AXDND1: variants seen among roughly 807,000 people sequenced by gnomAD.
AXDND1 encodes axonemal dynein light chain domain-containing protein 1.
A neutral mutation model predicts 137.5 loss-of-function variants in AXDND1; 110 were observed. The observed-to-expected ratio is 0.80, with a 90% CI of 0.69 to 0.94. AXDND1 has a LOEUF of 0.94. Among genes scored for constraint, AXDND1 ranks in the 40% least tolerant of loss-of-function variants. AXDND1 has a pLI of 0.00. For synonymous variants in AXDND1, 414 were observed against 399.7 expected, an observed-to-expected ratio of 1.04 and a Z score of -0.43; for missense variants, 1,191 against 1,169.8, an observed-to-expected ratio of 1.02 and a Z score of -0.26.
intron 21 of AXDND1, among the ~76,000 whole-genome samples, chr1:179,509,759 C>T (rs4111172): frequency 0.032 from 4,914 of 152,014 alleles, 292 homozygotes; most frequent in African/African-American, 0.11. Context: ...TTTCTTCCTT[C>T]GAGCACTTAA....
chr1:179,536,176 C>T (rs866163183), intron 25 of AXDND1, among the ~76,000 whole-genome samples: 31 of 150,912 alleles, frequency 2.1e-4, no homozygotes, highest in African/African-American at 7.0e-4. Context: ...GTTTAGTCTG[C>T]TGATAGTTTC....
chr1:179,518,598 G>A (rs961085581), intron 21 of AXDND1, among the ~76,000 whole-genome samples: 3 of 151,822 alleles, frequency 2.0e-5, no homozygotes, highest in Admixed American at 6.6e-5. Flanking sequence ...GTGTCCATGT[G>A]GTCTCATCAT....
intron 16 of AXDND1, among the ~76,000 whole-genome samples, chr1:179,462,258 G>A (rs1163937429): frequency 6.6e-6 from 1 of 152,118 alleles, no homozygotes; most frequent in African/African-American, 2.4e-5. Flanking sequence ...AACATGAAGG[G>A]CTGCTGAATT....
chr1:179,434,856 A>T (rs1657916758), intron 15 of AXDND1, among the ~76,000 whole-genome samples: 1 of 152,204 alleles, frequency 6.6e-6, no homozygotes, highest in South Asian at 2.1e-4. Flanking sequence ...ATCAGGCAAG[A>T]TAAAGAAATA....
intron 12 of AXDND1, among the ~76,000 whole-genome samples, chr1:179,422,126 T>C (rs938195258): frequency 6.6e-5 from 10 of 152,156 alleles, no homozygotes; most frequent in Non-Finnish European, 1.0e-4. Context: ...TTTCTGCTGT[T>C]ATCTGTATTA....
rs142704033 is a variant in AXDND1 at position 179,477,736 on chromosome 1, A to T, written c.1998-5392A>T. Among the ~76,000 whole-genome samples the T allele has an allele frequency of 1.1e-3, 162 of 152,290 alleles. 1 individual carries two copies. Among genetic ancestry groups the T allele is most frequent in the Middle Eastern group, 3.4e-3 (1 of 294 alleles). On this transcript the variant is annotated intron_variant, in intron 17 of 25. Transcript: ENST00000367618. The stretch of plus-strand genomic sequence containing the variant: ...CATTTCAAAACCAATCATGCCTTCC[A>T]AACAGTCCCCAGAAGTCTTAACTCA...
intron 15 of AXDND1, among the ~76,000 whole-genome samples, chr1:179,441,314 C>G (rs1228645246): frequency 6.6e-6 from 1 of 152,140 alleles, no homozygotes; most frequent in East Asian, 1.9e-4. Context: ...TTTAAAATGT[C>G]CAGTTTTTCC....
At chr1:179,506,150 T>C (rs895550228) in intron 20 of AXDND1, among the ~76,000 whole-genome samples, 2 of 152,112 alleles carry the variant, frequency 1.3e-5, no homozygotes, top group Non-Finnish European at 2.9e-5. Flanking sequence ...TAGATGGATT[T>C]TTTTTTTCAA....
At chr1:179,528,897 C>A (rs1032065591) in intron 23 of AXDND1, among the ~76,000 whole-genome samples, 6 of 152,060 alleles carry the variant, frequency 3.9e-5, no homozygotes, top group African/African-American at 1.4e-4. Context: ...CGGCCTAAAC[C>A]CCATTTTAAC....
At chr1:179,418,295 T>C (rs917254052) in intron 12 of AXDND1, among the ~76,000 whole-genome samples, 5 of 152,184 alleles carry the variant, frequency 3.3e-5, no homozygotes, top group African/African-American at 4.8e-5. Context: ...TCAGAGAGCA[T>C]AGGGCTGGGG....
rs1233722023 is a variant in AXDND1 at position 179,432,299 on chromosome 1, A to C, written c.1520A>C (p.Asn507Thr). ...GACATTTTATCCCCTAATAAGGGAA[A>C]TATATTTAATTCAGTTCTTTTAGAC... ...EKDILSPNKG[N>T]IFNSVLLDFK... The change falls in exon 15 of 26, where the codon AAT becomes ACT. Residue 507 changes from asparagine to threonine, a missense_variant. By Grantham distance (65) the Asn-to-Thr change is moderately conservative. Transcript: ENST00000367618. 6.4e-7 allele frequency: 1 copy of C among 1,571,354 alleles called. No individual in the cohort carries two copies. Among genetic ancestry groups the C allele is most frequent in the Admixed American group, 1.8e-5 (1 of 55,160 alleles).
intron 18 of AXDND1, among the ~76,000 whole-genome samples, chr1:179,489,715 T>G (rs1666618675): frequency 6.6e-6 from 1 of 151,220 alleles, no homozygotes; most frequent in African/African-American, 2.4e-5. Context: ...GAAGTTTGGG[T>G]TTTTATTGGA....
At chr1:179,453,055 G>GT (rs1660772603) in intron 16 of AXDND1, 2 of 152,392 alleles carry the variant, frequency 1.3e-5, no homozygotes, top group Admixed American at 1.3e-4. Context: ...CAGCTTCCAT[G>GT]TGGTATTGAA....
At chr1:179,427,274 C>T (rs1413853909) in intron 12 of AXDND1, among the ~76,000 whole-genome samples, 1 of 152,028 alleles carries the variant, frequency 6.6e-6, no homozygotes, top group Non-Finnish European at 1.5e-5. Context: ...TAAGACATTA[C>T]CTTTGGTTAG....
At chr1:179,471,066 A>G (rs1166829294) in intron 17 of AXDND1, among the ~76,000 whole-genome samples, 1 of 152,156 alleles carries the variant, frequency 6.6e-6, no homozygotes, top group Non-Finnish European at 1.5e-5. Context: ...TTTGGATATT[A>G]AATTAACTTT....
chr1:179,391,598 G>T (rs573818044), intron 9 of AXDND1, among the ~76,000 whole-genome samples: 2 of 151,942 alleles, frequency 1.3e-5, no homozygotes, highest in African/African-American at 2.4e-5. Flanking sequence ...GTGCAGTGGC[G>T]CAATCTCAGC....
intron 25 of AXDND1, among the ~76,000 whole-genome samples, chr1:179,549,826 G>A (rs1182102382): frequency 1.3e-5 from 2 of 151,952 alleles, no homozygotes; most frequent in Non-Finnish European, 2.9e-5. Context: ...GATTGCCATT[G>A]ACCCTTTAAA....
At chr1:179,388,947 T>G (rs958727561) in intron 9 of AXDND1, among the ~76,000 whole-genome samples, 4 of 151,048 alleles carry the variant, frequency 2.6e-5, no homozygotes, top group Admixed American at 2.0e-4. Context: ...TCAAATATAA[T>G]AATTTTATTG....
intron 12 of AXDND1, among the ~76,000 whole-genome samples, chr1:179,414,927 G>A (rs1172982757): frequency 6.6e-6 from 1 of 151,694 alleles, no homozygotes; most frequent in Non-Finnish European, 1.5e-5. Flanking sequence ...CTGAGAAAAT[G>A]TGTTACTTGG....
Sources: gnomAD v4.1 joint callset for allele counts (sites outside exome capture counted in the v4.1 genomes callset) on GRCh38, gnomAD v4.1.1 for gene constraint, MANE v1.5 for transcripts, NCBI Gene and HGNC (gene_info 2026-07-23, HGNC 2026-07-21) for gene names.